Variants in ACBD6 observed in about 807,000 individuals in gnomAD.
The protein encoded by ACBD6 is acyl-CoA binding domain containing 6, also known as acyl-CoA-binding domain-containing protein 6.
A neutral mutation model predicts 37.2 loss-of-function variants in ACBD6; 28 were observed. The observed-to-expected ratio is 0.75, with a 90% CI of 0.56 to 1.03. The LOEUF is 1.03. Among genes scored for constraint, ACBD6 ranks in the 50% least tolerant of loss-of-function variants. ACBD6 has a pLI of 0.00. For synonymous variants in ACBD6, 113 were observed against 126.8 expected (o/e 0.89, Z 0.73); for missense variants, 340 against 337.4 (o/e 1.01, Z -0.06).
chr1:180,408,640 C>T (rs1478831008), intron 5 of ACBD6, among the ~76,000 whole-genome samples: 1 of 151,682 alleles, frequency 6.6e-6, no homozygotes, highest in Admixed American at 6.6e-5. Flanking sequence ...GCACATTGTG[C>T]ACATGTACCC....
intron 6 of ACBD6, among the ~76,000 whole-genome samples, chr1:180,388,046 G>C (rs1653912893): frequency 6.6e-6 from 1 of 151,938 alleles, no homozygotes; most frequent in South Asian, 2.1e-4. Context: ...CGTGATGGTG[G>C]GCACCTGTAG....
rs533123550 is a variant in ACBD6 at position 180,360,148 on chromosome 1, G to C, written c.663+37368C>G. ...ACACATTCAGTTTCTATTCTTTAAAGAACACACAGGGACCTAAGTTTTCTC... is the reference window on the plus strand; with the variant it reads ...ACACATTCAGTTTCTATTCTTTAAACAACACACAGGGACCTAAGTTTTCTC... On this transcript the variant is annotated intron_variant, in intron 6 of 7. Coordinates refer to ENST00000367595, the MANE Select transcript of ACBD6 (RefSeq NM_032360.4). 3.7e-3 allele frequency among the ~76,000 whole-genome samples: 558 copies of C among 152,236 alleles called. 1 individual carries two copies. Among genetic ancestry groups the C allele is most frequent in the Non-Finnish European group, 5.3e-3 (362 of 68,000 alleles).
chr1:180,460,719 C>A (rs1650113829), intron 3 of ACBD6, among the ~76,000 whole-genome samples: 1 of 152,148 alleles, frequency 6.6e-6, no homozygotes, highest in Admixed American at 6.6e-5. Flanking sequence ...AAAAACAAAA[C>A]AACAAAAACC....
At position 180,288,260 on chromosome 1, in the gene ACBD6, C is replaced by G; in HGVS notation, c.*103G>C. 2.7e-6 allele frequency: 4 copies of G among 1,506,514 alleles called. No homozygotes were observed. The highest frequency in any genetic ancestry group is 2.7e-6 in the Non-Finnish European group (3 of 1,095,924). The allele number at this position is 1,506,514 out of a possible 1,614,324, so 93.3% of individuals were successfully genotyped here. The stretch of plus-strand genomic sequence containing the variant: ...GTTCCACAGAACTGATTTTATTAGC[C>G]AATACATACCAAAGACGGGTGGAAA... On this transcript the variant is annotated 3_prime_UTR_variant, in exon 8 of 8. Transcript: ENST00000367595.
At chr1:180,319,316 CTACTT>C (rs1650960704) in intron 6 of ACBD6, among the ~76,000 whole-genome samples, 2 of 152,182 alleles carry the variant, frequency 1.3e-5, no homozygotes, top group South Asian at 2.1e-4. Flanking sequence ...AATGAATACA[CTACTT>C]TAATTTTTCC....
intron 6 of ACBD6, among the ~76,000 whole-genome samples, chr1:180,389,348 T>A: frequency 6.6e-6 from 1 of 152,244 alleles, no homozygotes; most frequent in East Asian, 1.9e-4. Context: ...TTTTTATGGC[T>A]GCATAGTATT....
intron 3 of ACBD6, among the ~76,000 whole-genome samples, chr1:180,463,544 G>C (rs1044055693): frequency 6.6e-6 from 1 of 152,034 alleles, no homozygotes. Context: ...AACGAGCTCT[G>C]AAGTTGAGGT....
chr1:180,346,522 G>C (rs1445940918), intron 6 of ACBD6, among the ~76,000 whole-genome samples: 4 of 152,108 alleles, frequency 2.6e-5, no homozygotes, highest in Non-Finnish European at 5.9e-5. Context: ...AAATAGCCAT[G>C]TTGACCATTT....
intron 1 of ACBD6, among the ~76,000 whole-genome samples, chr1:180,499,248 C>T (rs1651858235): frequency 6.6e-6 from 1 of 152,150 alleles, no homozygotes; most frequent in South Asian, 2.1e-4. Context: ...ATTGGACTTC[C>T]AACTTTATTA....
chr1:180,499,962 G>A (rs955008122), intron 1 of ACBD6, among the ~76,000 whole-genome samples: 23 of 152,104 alleles, frequency 1.5e-4, no homozygotes, highest in African/African-American at 5.5e-4. Flanking sequence ...TAAGAACACA[G>A]TGGGGCTGGG....
chr1:180,327,475 A>G (rs1651298961), intron 6 of ACBD6, among the ~76,000 whole-genome samples: 3 of 152,158 alleles, frequency 2.0e-5, no homozygotes, highest in Non-Finnish European at 2.9e-5. Context: ...AGTTAAAACC[A>G]GGTACTGTGA....
intron 6 of ACBD6, among the ~76,000 whole-genome samples, chr1:180,364,281 C>T (rs147519558): frequency 0.021 from 3,258 of 152,304 alleles, 51 homozygotes; most frequent in Middle Eastern, 0.051. Flanking sequence ...TTTGATGTCA[C>T]ATCTATTAAG....
intron 5 of ACBD6, among the ~76,000 whole-genome samples, chr1:180,400,268 C>T (rs537066528): frequency 4.6e-5 from 7 of 152,108 alleles, no homozygotes; most frequent in Non-Finnish European, 1.0e-4. Context: ...GATATATTTT[C>T]CAGAAGCGGG....
At chr1:180,349,375 C>A (rs964735111) in intron 6 of ACBD6, among the ~76,000 whole-genome samples, 3 of 151,544 alleles carry the variant, frequency 2.0e-5, no homozygotes, top group African/African-American at 7.3e-5. Flanking sequence ...CCTGCCTCAG[C>A]CTCCGGAGTA....
intron 3 of ACBD6, among the ~76,000 whole-genome samples, chr1:180,432,696 CAAAT>C (rs1648860758): frequency 6.6e-6 from 1 of 151,870 alleles, no homozygotes. Flanking sequence ...AAAGAAGAGT[CAAAT>C]AACTCAGAAA....
In ACBD6 at chr1:180,374,286, C is replaced by T. The variant is rs144073187; in HGVS notation, c.663+23230G>A. ...CCCCCCTTACACTCACATGCACACT[C>T]GCTGCAGAGTATGTAAAACTTTCAC... On this transcript the variant is annotated intron_variant, in intron 6 of 7. Coordinates refer to ENST00000367595, the MANE Select transcript of ACBD6 (RefSeq NM_032360.4). 6.4e-3 allele frequency among the ~76,000 whole-genome samples: 967 copies of T among 152,262 alleles called. 10 individuals are homozygous for T. The highest frequency in any genetic ancestry group is 0.022 in the African/African-American group (915 of 41,542).
chr1:180,419,524 A>G (rs1261560117), intron 4 of ACBD6, among the ~76,000 whole-genome samples: 3 of 152,320 alleles, frequency 2.0e-5, no homozygotes, highest in Admixed American at 2.0e-4. Flanking sequence ...GAATTCGTAT[A>G]AGTTGACCCT....
At chr1:180,290,881 C>T (rs1246177580) in intron 7 of ACBD6, among the ~76,000 whole-genome samples, 1 of 152,168 alleles carries the variant, frequency 6.6e-6, no homozygotes, top group Non-Finnish European at 1.5e-5. Context: ...ATCGGTCACA[C>T]TAAGAAGTCT....
intron 6 of ACBD6, among the ~76,000 whole-genome samples, chr1:180,325,112 T>C (rs1651205868): frequency 6.6e-6 from 1 of 152,182 alleles, no homozygotes; most frequent in Non-Finnish European, 1.5e-5. Context: ...TATAACCTTC[T>C]TGTGCTTGAA....
Sources: gnomAD v4.1 joint callset for allele counts (sites outside exome capture counted in the v4.1 genomes callset) on GRCh38, gnomAD v4.1.1 for gene constraint, MANE v1.5 for transcripts, NCBI Gene and HGNC (gene_info 2026-07-23, HGNC 2026-07-21) for gene names.